The following EDEM3 variants were observed in gnomAD, a reference collection of about 807,000 sequenced individuals.
The protein encoded by EDEM3 is ER degradation-enhancing alpha-mannosidase-like protein 3.
A neutral mutation model predicts 110.2 loss-of-function variants in EDEM3; 60 were observed. That is an observed-to-expected ratio of 0.54 (90% confidence interval 0.44 to 0.67). EDEM3 has a LOEUF of 0.67. Among genes scored for constraint, EDEM3 ranks in the 30% least tolerant of loss-of-function variants. The pLI is 0.00. For missense variants in EDEM3, 996 were observed against 1,121.0 expected, an observed-to-expected ratio of 0.89 and a Z score of 1.59; for synonymous variants, 352 against 382.9, an observed-to-expected ratio of 0.92 and a Z score of 0.94.
chr1:184,752,810 C>T (rs1652838164), intron 1 of EDEM3, among the ~76,000 whole-genome samples: 1 of 152,116 alleles, frequency 6.6e-6, no homozygotes, highest in African/African-American at 2.4e-5. Context: ...GCTGGCTCTA[C>T]CAATTACTAG....
At chr1:184,695,350 G>A (rs1263798029) in intron 19 of EDEM3, among the ~76,000 whole-genome samples, 3 of 151,768 alleles carry the variant, frequency 2.0e-5, no homozygotes, top group Non-Finnish European at 4.4e-5. Flanking sequence ...ATAGTCCAAC[G>A]GGAGAAAAAG....
intron 2 of EDEM3, among the ~76,000 whole-genome samples, chr1:184,743,263 AT>A (rs1652243601): frequency 6.6e-6 from 1 of 152,194 alleles, no homozygotes; most frequent in African/African-American, 2.4e-5. Flanking sequence ...TACGTGGCAA[AT>A]TAACAGCCTT....
At chr1:184,723,428 A>G (rs377466416) in intron 8 of EDEM3, among the ~76,000 whole-genome samples, 2 of 152,032 alleles carry the variant, frequency 1.3e-5, no homozygotes, top group African/African-American at 4.8e-5. Flanking sequence ...TATTAAACCC[A>G]TATTCTTACT....
intron 8 of EDEM3, among the ~76,000 whole-genome samples, chr1:184,723,394 T>C (rs1651006142): frequency 6.6e-6 from 1 of 152,030 alleles, no homozygotes; most frequent in South Asian, 2.1e-4. Flanking sequence ...ACTATATTTC[T>C]GGAGGTAGGA....
At chr1:184,710,823 G>A (rs532946484) in intron 15 of EDEM3, among the ~76,000 whole-genome samples, 7 of 152,098 alleles carry the variant, frequency 4.6e-5, no homozygotes, top group Non-Finnish European at 8.8e-5. Flanking sequence ...GAACAAGTTT[G>A]CTTGGGGATT....
In EDEM3 at chr1:184,712,437, T is replaced by C. The variant is rs200489181; in HGVS notation, c.1532A>G (p.Asn511Ser). The change falls in exon 14 of 20, where the codon AAC becomes AGC. Residue 511 changes from asparagine (N) to serine (S), a missense_variant. Around this residue, in one of 5 missense-constraint regions of EDEM3, gnomAD observed 138 missense variants for 124.3 expected, o/e 1.11. Coordinates refer to ENST00000318130, the MANE Select transcript of EDEM3 (RefSeq NM_025191.4). ...ACATTTCATTTAAAAACTCACTGTG[T>C]TCTTTTTAGAGATGCTTTGATTTGT... is the stretch of plus-strand genomic sequence containing the variant. ...STTNQSISKKNTTSEYTELDD... is the reference protein window; with the variant it reads ...STTNQSISKKSTTSEYTELDD... The C allele has an allele frequency of 4.5e-5, 72 of 1,585,774 alleles. No homozygotes were observed. The East Asian group carries it at 1.6e-3, about 34-fold the overall frequency.
At chr1:184,722,132 C>T (rs146283415) in intron 8 of EDEM3, among the ~76,000 whole-genome samples, 1 of 152,048 alleles carries the variant, frequency 6.6e-6, no homozygotes, top group Non-Finnish European at 1.5e-5. Context: ...CAAGCACATA[C>T]ATGCTGGTAC....
At chr1:184,705,670 T>C (rs1649880693) in intron 18 of EDEM3, among the ~76,000 whole-genome samples, 1 of 152,182 alleles carries the variant, frequency 6.6e-6, no homozygotes, top group Non-Finnish European at 1.5e-5. Flanking sequence ...ACTATTTTTT[T>C]TTATTTACCT....
intron 18 of EDEM3, among the ~76,000 whole-genome samples, chr1:184,704,649 C>CA (rs58913815): frequency 0.074 from 2,211 of 29,830 alleles, 387 homozygotes; most frequent in Middle Eastern, 0.2. Context: ...GACTCTGTCT[C>CA]AAAAAAAAAA....
Position 184,694,319 on chromosome 1 carries a change from G to A in EDEM3, c.2543C>T (p.Ser848Phe). The A allele has an allele frequency of 6.2e-7, 1 of 1,613,234 alleles. No individual in the cohort carries two copies. The highest frequency in any genetic ancestry group is 1.1e-5 in the South Asian group (1 of 91,044). ...NSLNSHPESL[S>F]LADMDNAASI... ...TGCAGCATTGTCCATATCTGCTAGA[G>A]ATAATGATTCTGGGTGAGAATTTAG... Residue 848 changes from serine (S) to phenylalanine (F), a missense_variant, in exon 20 of 20, where the codon TCT (serine) becomes TTT (phenylalanine). By Grantham distance (155) the Ser-to-Phe change is radical. This residue lies in a region of EDEM3 where 345 missense variants were observed against 402.0 expected (regional missense o/e 0.86). Transcript: ENST00000318130.
intron 2 of EDEM3, among the ~76,000 whole-genome samples, chr1:184,738,464 TACAA>T (rs1651953595): frequency 6.6e-6 from 1 of 152,216 alleles, no homozygotes; most frequent in African/African-American, 2.4e-5. Flanking sequence ...TTTTTTTCTA[TACAA>T]ACAATGAAGC....
chr1:184,740,732 A>C (rs1216660844), intron 2 of EDEM3, among the ~76,000 whole-genome samples: 1 of 152,264 alleles, frequency 6.6e-6, no homozygotes, highest in East Asian at 1.9e-4. Context: ...TGAGGTTATC[A>C]ACAAATTTTA....
At chr1:184,701,648 T>C in intron 19 of EDEM3, 2 of 684,948 alleles carry the variant, frequency 2.9e-6, no homozygotes, top group Non-Finnish European at 4.1e-6. Context: ...TAAATGCATA[T>C]ATGTAGGCAA....
chr1:184,713,484 T>C (rs1488159805), intron 13 of EDEM3, among the ~76,000 whole-genome samples: 4 of 152,202 alleles, frequency 2.6e-5, no homozygotes, highest in African/African-American at 4.8e-5. Context: ...GCATAGCTGG[T>C]AGATGGAGTC....
At chr1:184,726,644 C>A (rs1219255480) in intron 6 of EDEM3, among the ~76,000 whole-genome samples, 1 of 151,990 alleles carries the variant, frequency 6.6e-6, no homozygotes, top group Non-Finnish European at 1.5e-5. Flanking sequence ...CAATTACTTC[C>A]CTTGGAGTAA....
intron 6 of EDEM3, among the ~76,000 whole-genome samples, chr1:184,728,662 T>G (rs1392757713): frequency 6.6e-6 from 1 of 151,696 alleles, no homozygotes; most frequent in Non-Finnish European, 1.5e-5. Flanking sequence ...TAGGCTGGAG[T>G]GCAGTGGCAC....
At chr1:184,723,894 T>C (rs551163503) in intron 7 of EDEM3, 38 bp from the exon 8 acceptor site, 5 of 1,300,874 alleles carry the variant, frequency 3.8e-6, no homozygotes, top group African/African-American at 1.6e-5. Context: ...AAGAAGTGCA[T>C]ATTTGAAGAA....
intron 2 of EDEM3, among the ~76,000 whole-genome samples, chr1:184,745,915 A>G (rs1652405979): frequency 6.6e-6 from 1 of 152,216 alleles, no homozygotes; most frequent in African/African-American, 2.4e-5. Context: ...GCCCAAATAC[A>G]TGTCATTTTG....
intron 1 of EDEM3, among the ~76,000 whole-genome samples, chr1:184,751,584 T>C (rs1258984938): frequency 6.6e-6 from 1 of 152,184 alleles, no homozygotes; most frequent in Non-Finnish European, 1.5e-5. Context: ...CTCTTACACA[T>C]AGAAGCCTAA....
Sources: gnomAD v4.1 joint callset for allele counts (sites outside exome capture counted in the v4.1 genomes callset) on GRCh38, gnomAD v4.1.1 for gene constraint, gnomAD v4.1.1 regional missense constraint, MANE v1.5 for transcripts, NCBI Gene and HGNC (gene_info 2026-07-23, HGNC 2026-07-21) for gene names.